Variants in RPL9 observed in about 807,000 individuals in gnomAD.
RPL9 encodes the protein large ribosomal subunit protein uL6.
For missense variants in RPL9, 149 were observed against 236.7 expected, an observed-to-expected ratio of 0.63 and a Z score of 2.43; for synonymous variants, 82 against 77.1, an observed-to-expected ratio of 1.06 and a Z score of -0.33.
chr4:39,456,609 G>A (rs1453157880), intron 4 of RPL9, 71 bp from the exon 5 acceptor site: 1 of 1,521,966 alleles, frequency 6.6e-7, no homozygotes, highest in African/African-American at 1.4e-5. Context: ...AATTTTCTAA[G>A]ATGCTTATAC....
rs141176319 is a variant in RPL9, at chr4:39,458,297, A to G, written c.59T>C (p.Leu20Pro). 1.3e-4 allele frequency: 206 copies of G among 1,614,022 alleles called. No individual in the cohort carries two copies. Among genetic ancestry groups the G allele is most frequent in the Non-Finnish European group, 1.7e-4 (198 of 1,180,012 alleles). Residue 20 changes from leucine (L) to proline (P), a missense_variant, in exon 3 of 8, where the codon CTG (leucine) becomes CCG (proline). Coordinates refer to ENST00000295955, the MANE Select transcript of RPL9 (RefSeq NM_000661.5). ...VDIPENVDITLKGRTVIVKGP... is the reference protein window; with the variant it reads ...VDIPENVDITPKGRTVIVKGP... ...CTTCACGATAACTGTGCGTCCCTTC[A>G]GAGTAATGTCGACTAGAAGAGAGAA...
In RPL9 at chr4:39,458,376, A is replaced by G; in HGVS notation, c.46+18T>C. ...AACGTGCAGTAAAGATGTAAGTAAA[A>G]GACATCAAGTCTCATACCATTTTCT... On this transcript the variant is annotated intron_variant, in intron 2 of 7. Coordinates refer to ENST00000295955, the MANE Select transcript of RPL9 (RefSeq NM_000661.5). The G allele has an allele frequency of 6.2e-7, 1 of 1,613,998 alleles. No individual in the cohort carries two copies.
intron 5 of RPL9, 84 bp downstream of exon 5, chr4:39,456,322 T>TAA: frequency 6.8e-7 from 1 of 1,480,592 alleles, no homozygotes; most frequent in East Asian, 2.3e-5. Context: ...AACAGCCAAC[T>TAA]AAAGTATGGA....
chr4:39,455,199 T>A, intron 5 of RPL9: 1 of 338,160 alleles, frequency 3.0e-6, no homozygotes, highest in East Asian at 6.3e-5. Context: ...ATACAAAAAA[T>A]TAGCTGGGTG....
intron 5 of RPL9, chr4:39,455,976 G>C (rs1319078590): frequency 4.4e-6 from 1 of 226,178 alleles, no homozygotes; most frequent in East Asian, 1.3e-4. Flanking sequence ...TTTCTCTTTA[G>C]ATTTTAAAGG....
At chr4:39,456,584 T>G in intron 4 of RPL9, 46 bp from the exon 5 acceptor site, 1 of 1,583,532 alleles carries the variant, frequency 6.3e-7, no homozygotes, top group Non-Finnish European at 8.6e-7. Flanking sequence ...TGAGGAATAT[T>G]TTTAATAGTT....
chr4:39,457,775 A>T (rs1399578867), intron 3 of RPL9, 94 bp from the exon 4 acceptor site: 10 of 1,064,250 alleles, frequency 9.4e-6, no homozygotes, highest in African/African-American at 3.1e-5. Context: ...TCTAGAATTA[A>T]CCCTTATCAA....
At chr4:39,458,822 G>A (rs1198667505) in intron 1 of RPL9, 69 bp downstream of exon 1, 2 of 689,046 alleles carry the variant, frequency 2.9e-6, no homozygotes, top group South Asian at 1.5e-5. Context: ...TGGGAGCCGC[G>A]CCGCAGCCTT....
intron 6 of RPL9, 38 bp from the exon 7 acceptor site, chr4:39,454,687 T>A: frequency 6.5e-7 from 1 of 1,548,724 alleles, no homozygotes; most frequent in African/African-American, 1.4e-5. Context: ...TACATCAGCC[T>A]AACCCATCTT....
chr4:39,456,622 ATTTTAAAACG>A, intron 4 of RPL9, 84 bp from the exon 5 acceptor site: 1 of 1,450,170 alleles, frequency 6.9e-7, no homozygotes, highest in Non-Finnish European at 9.4e-7. Flanking sequence ...GCTTATACTT[ATTTTAAAACG>A]TAACACTCAC....
chr4:39,457,934 C>T (rs978522856), intron 3 of RPL9: 1 of 628,942 alleles, frequency 1.6e-6, no homozygotes, highest in Non-Finnish European at 2.8e-6. Flanking sequence ...TTTTACAAAG[C>T]AATCACTAGG....
Position 39,458,422 on chromosome 4 carries a change from G to A in RPL9, c.18C>T (p.Ser6=), listed in dbSNP as rs1239912385. The change falls in exon 2 of 8, where the codon AGC becomes AGT. Residue 6 remains serine, a synonymous_variant. Coordinates refer to ENST00000295955, the MANE Select transcript of RPL9 (RefSeq NM_000661.5). The part of the protein sequence containing the change: MKTIL[S]NQTVDIPENV... Reference sequence around the variant, plus strand: ...TTTCTGGAATGTCGACAGTCTGATTGCTGAGAATAGTCTTCATTCTGAAAC... The same window carrying A: ...TTTCTGGAATGTCGACAGTCTGATTACTGAGAATAGTCTTCATTCTGAAAC... The A allele has an allele frequency of 1.8e-5, 29 of 1,614,214 alleles. No individual in the cohort carries two copies. The highest frequency in any genetic ancestry group is 1.9e-5 in the Non-Finnish European group (23 of 1,180,040).
At position 39,454,562 on chromosome 4, in the gene RPL9, ACAGTTC is replaced by A. The variant is rs1744013505; in HGVS notation, c.554_559del (p.Gly185_Thr186del). 1 of 1,612,082 alleles carries A rather than the reference ACAGTTC, an allele frequency of 6.2e-7. No homozygotes were observed. Among genetic ancestry groups the A allele is most frequent in the Non-Finnish European group, 8.5e-7 (1 of 1,179,224 alleles). On this transcript the variant is annotated inframe_deletion, in exon 7 of 8. Transcript: ENST00000295955. ...TAGATCTTATTCATCAGCCTGCTGA[ACAGTTC>A]CTTTTTCAGAGACATAGATACCATC...
chr4:39,455,636 TGGC>T (rs1156695898), intron 5 of RPL9, among the ~76,000 whole-genome samples: 2 of 152,106 alleles, frequency 1.3e-5, no homozygotes, highest in Non-Finnish European at 2.9e-5. Flanking sequence ...CTGGATGTGG[TGGC>T]AGGCACCTGC....
At chr4:39,457,715 A>G in intron 3 of RPL9, 34 bp from the exon 4 acceptor site, 18 of 1,542,832 alleles carry the variant, frequency 1.2e-5, no homozygotes, top group Non-Finnish European at 1.6e-5. Flanking sequence ...TCTTTCCAGA[A>G]ATATGCAGGC....
At chr4:39,454,814 G>A in intron 6 of RPL9, 50 bp downstream of exon 6, 1 of 1,581,546 alleles carries the variant, frequency 6.3e-7, no homozygotes. Context: ...TTTTAAACAA[G>A]ATTTAGACAA....
intron 5 of RPL9, 132 bp from the exon 6 acceptor site, chr4:39,455,076 A>C: frequency 1.1e-6 from 1 of 869,766 alleles, no homozygotes. Context: ...GAGGCCGGGC[A>C]CAGTGGCTCA....
chr4:39,457,492 G>A lies in RPL9; in HGVS notation c.258+94C>T, dbSNP rs2109857971. ...GCGTATTACACCAAATAAAATACAT[G>A]ACCCATTCTCTGAAAGAGACACTTA... is the stretch of plus-strand genomic sequence containing the variant. On this transcript the variant is annotated intron_variant, in intron 4 of 7. Coordinates refer to ENST00000295955, the MANE Select transcript of RPL9 (RefSeq NM_000661.5). 5 of 1,060,554 alleles carry A rather than the reference G, an allele frequency of 4.7e-6. No individual in the cohort carries two copies. In the Admixed American group the frequency reaches 5.3e-5, roughly 11 times the overall value. The allele number at this position is 1,060,554 out of a possible 1,614,324, so 65.7% of individuals were successfully genotyped here.
chr4:39,457,390 C>A (rs1578225174), intron 4 of RPL9, 196 bp downstream of exon 4: 14 of 427,194 alleles, frequency 3.3e-5, no homozygotes, highest in East Asian at 7.9e-5. Context: ...AAAAAACAAA[C>A]ATGTTGTACC....
Sources: allele counts gnomAD v4.1 joint callset (sites outside exome capture counted in the v4.1 genomes callset), GRCh38; gene constraint gnomAD v4.1.1; transcripts MANE v1.5; gene names NCBI Gene and HGNC (gene_info 2026-07-23, HGNC 2026-07-21).